The following ARHGAP39 variants were observed in gnomAD, a reference collection of about 807,000 sequenced individuals.
The protein encoded by ARHGAP39 is Rho GTPase activating protein 39.
Under a neutral mutation model 106.9 loss-of-function variants are expected in ARHGAP39, and 44 were observed. That is an observed-to-expected ratio of 0.41 (90% confidence interval 0.32 to 0.53). ARHGAP39 has a LOEUF of 0.53. Ranked by LOEUF, ARHGAP39 falls within the 20% of genes least tolerant of loss-of-function variation. The pLI, the probability that ARHGAP39 is intolerant of heterozygous loss-of-function variation, is 0.21. For missense variants in ARHGAP39, 1,496 were observed against 1,577.3 expected, an observed-to-expected ratio of 0.95 and a Z score of 0.87; for synonymous variants, 768 against 693.2, an observed-to-expected ratio of 1.11 and a Z score of -1.69.
Position 144,530,829 on chromosome 8 carries a change from AG to A in ARHGAP39, c.3022del (p.Leu1008Ter). The A allele has an allele frequency of 6.2e-7, 1 of 1,611,450 alleles. No homozygotes were observed. The highest frequency in any genetic ancestry group is 8.5e-7 in the Non-Finnish European group (1 of 1,179,660). On this transcript the variant is annotated frameshift_variant, in exon 11 of 12. Coordinates refer to ENST00000377307, the MANE Select transcript of ARHGAP39 (RefSeq NM_025251.3). LOFTEE classifies it high-confidence loss of function. ...KLWYRELEEPLIPHEFYEQCI... is the reference protein window; with the variant it reads ...KLWYRELEEPXIPHEFYEQCI... ...CTGCTCGTAGAACTCGTGCGGGATC[AG>A]GGGCTCCTCCAGCTCCCGGTACCAC...
At position 144,548,910 on chromosome 8, in the gene ARHGAP39, G is replaced by A. The variant is rs1478882595; in HGVS notation, c.597-421C>T. The stretch of plus-strand genomic sequence containing the variant: ...CCCAGTGGTCCAGGTGAGCCCAGCA[G>A]GAGGAAGGCACACCACCAGAATCCC... On this transcript the variant is annotated intron_variant, in intron 4 of 11. Coordinates refer to ENST00000377307, the MANE Select transcript of ARHGAP39 (RefSeq NM_025251.3). This position sits in a 1 kb window ranked among gnomAD's most constrained non-coding sequence, Gnocchi z 7.4. Among the ~76,000 whole-genome samples, 1 of 152,208 alleles carries A rather than the reference G, an allele frequency of 6.6e-6. No homozygotes were observed. The highest frequency in any genetic ancestry group is 2.4e-5 in the African/African-American group (1 of 41,458).
chr8:144,678,808 C>A (rs1822309705), intron 1 of ARHGAP39, among the ~76,000 whole-genome samples: 1 of 152,178 alleles, frequency 6.6e-6, no homozygotes, highest in Admixed American at 6.5e-5. Context: ...GTCAGAATCA[C>A]CCCTGGGGAG....
At chr8:144,544,837 C>T (rs985767962) in intron 6 of ARHGAP39, among the ~76,000 whole-genome samples, 3 of 152,274 alleles carry the variant, frequency 2.0e-5, no homozygotes, top group East Asian at 1.9e-4. Context: ...AGAGACAACC[C>T]GGATCTTGCC....
At chr8:144,658,511 G>A (rs1274404285) in intron 1 of ARHGAP39, among the ~76,000 whole-genome samples, 1 of 152,190 alleles carries the variant, frequency 6.6e-6, no homozygotes, top group Non-Finnish European at 1.5e-5. Context: ...CTGACCTCAG[G>A]TGATCTGCTC....
At chr8:144,567,283 G>T (rs1818429992) in intron 3 of ARHGAP39, among the ~76,000 whole-genome samples, 2 of 152,208 alleles carry the variant, frequency 1.3e-5, no homozygotes, top group Admixed American at 6.5e-5. Context: ...GCCATACAGA[G>T]ATAGGAACTG....
chr8:144,642,511 TA>T lies in ARHGAP39; in HGVS notation c.-81-36817del, dbSNP rs959921446. Among the ~76,000 whole-genome samples the T allele has an allele frequency of 2.3e-3, 328 of 142,898 alleles. 1 individual carries two copies. The highest frequency in any genetic ancestry group is 7.2e-3 in the Middle Eastern group (2 of 276). 93.7% of individuals were successfully genotyped at this position (142,898 alleles called of 152,430 possible). A position where few individuals can be genotyped will look rare whatever the true frequency, so the allele number is the denominator to read the frequency against. ...TAGGGGAAAAAAAATAGATAAAAAT[TA>T]AAAAAAAAAAAATTAGCCAGGTGAT... On this transcript the variant is annotated intron_variant, in intron 1 of 11. Coordinates refer to ENST00000377307, the MANE Select transcript of ARHGAP39 (RefSeq NM_025251.3).
intron 6 of ARHGAP39, among the ~76,000 whole-genome samples, chr8:144,544,331 A>G (rs1339088214): frequency 3.3e-5 from 5 of 152,066 alleles, no homozygotes; most frequent in African/African-American, 1.2e-4. Context: ...CACCTCCTCC[A>G]CACCTGGGCT....
intron 1 of ARHGAP39, among the ~76,000 whole-genome samples, chr8:144,661,397 G>A (rs979587823): frequency 3.3e-5 from 5 of 152,184 alleles, no homozygotes; most frequent in Non-Finnish European, 7.3e-5. Context: ...CTTCTAACAG[G>A]AACAGCACCC....
At chr8:144,596,010 G>C (rs112232575) in intron 2 of ARHGAP39, among the ~76,000 whole-genome samples, 4,655 of 152,230 alleles carry the variant, frequency 0.031, 238 homozygotes, top group African/African-American at 0.11. Flanking sequence ...TACCCGCAGA[G>C]GACACCCAGA....
intron 1 of ARHGAP39, among the ~76,000 whole-genome samples, chr8:144,610,066 A>C (rs545430840): frequency 3.3e-5 from 5 of 152,382 alleles, no homozygotes; most frequent in African/African-American, 7.2e-5. Flanking sequence ...TTGTCTTTCA[A>C]GGAACTTGCC....
At chr8:144,685,489 C>A (rs1481837075) in intron 1 of ARHGAP39, among the ~76,000 whole-genome samples, 197 bp downstream of exon 1, 1 of 149,022 alleles carries the variant, frequency 6.7e-6, no homozygotes, top group Non-Finnish European at 1.5e-5. Context: ...GGCCGGGCCC[C>A]GCACACCCAC....
chr8:144,632,234 T>C (rs1821079418), intron 1 of ARHGAP39, among the ~76,000 whole-genome samples: 1 of 152,236 alleles, frequency 6.6e-6, no homozygotes, highest in Admixed American at 6.5e-5. Flanking sequence ...GTGACTGCTA[T>C]AAGTTCACAG....
intron 6 of ARHGAP39, among the ~76,000 whole-genome samples, chr8:144,541,284 C>A (rs558032455): frequency 6.6e-6 from 1 of 152,240 alleles, no homozygotes; most frequent in Admixed American, 6.5e-5. Flanking sequence ...TTCCCACCAT[C>A]GGCCCAGGAT....
At chr8:144,597,510 T>C (rs866715493) in intron 2 of ARHGAP39, among the ~76,000 whole-genome samples, 7 of 152,192 alleles carry the variant, frequency 4.6e-5, no homozygotes, top group Middle Eastern at 3.4e-3. Context: ...CCCAGCACAC[T>C]GAGGCGTGGA....
intron 1 of ARHGAP39, among the ~76,000 whole-genome samples, chr8:144,639,081 C>T (rs145007569): frequency 0.027 from 4,155 of 152,210 alleles, 251 homozygotes; most frequent in East Asian, 0.25. Context: ...AATCCCGACA[C>T]TTTGGGAGGC....
intron 1 of ARHGAP39, among the ~76,000 whole-genome samples, chr8:144,631,464 C>T (rs1464641761): frequency 6.6e-6 from 1 of 152,268 alleles, no homozygotes; most frequent in African/African-American, 2.4e-5. Context: ...CCTTTCTTTA[C>T]GCCATCTGCC....
chr8:144,572,037 T>C (rs1818605434), intron 3 of ARHGAP39, among the ~76,000 whole-genome samples: 1 of 152,178 alleles, frequency 6.6e-6, no homozygotes, highest in South Asian at 2.1e-4. Flanking sequence ...ATCAATATCA[T>C]TAAAATGGCC....
chr8:144,587,141 G>A (rs186043356), intron 2 of ARHGAP39, among the ~76,000 whole-genome samples: 1 of 152,166 alleles, frequency 6.6e-6, no homozygotes, highest in Non-Finnish European at 1.5e-5. Flanking sequence ...CTGGGTGCCC[G>A]CAGCCATGCG....
intron 4 of ARHGAP39, among the ~76,000 whole-genome samples, chr8:144,554,152 C>A (rs929787825): frequency 6.6e-6 from 1 of 152,328 alleles, no homozygotes; most frequent in South Asian, 2.1e-4. Context: ...GCGGGGGCTG[C>A]GGACCTCCAG....
Sources: allele counts gnomAD v4.1 joint callset (sites outside exome capture counted in the v4.1 genomes callset), GRCh38; gene constraint gnomAD v4.1.1; non-coding constraint Gnocchi (gnomAD v3.1); transcripts MANE v1.5; gene names NCBI Gene and HGNC (gene_info 2026-07-23, HGNC 2026-07-21).